DYNC2H1: variants seen among roughly 807,000 people sequenced by gnomAD.
The protein encoded by DYNC2H1 is dynein cytoplasmic 2 heavy chain 1.
DYNC2H1 carries 410 observed loss-of-function variants against 570.0 expected under a neutral mutation model. That is an observed-to-expected ratio of 0.72 (90% CI 0.66 to 0.78). The LOEUF is 0.78. Ranked by LOEUF, DYNC2H1 falls within the 30% of genes least tolerant of loss-of-function variation. The pLI is 0.00. For missense variants in DYNC2H1, 4,865 were observed against 5,046.4 expected, an observed-to-expected ratio of 0.96 and a Z score of 1.09; for synonymous variants, 1,688 against 1,677.6, an observed-to-expected ratio of 1.01 and a Z score of -0.15.
At chr11:103,266,535 C>T (rs774540803) in intron 70 of DYNC2H1, among the ~76,000 whole-genome samples, 3 of 152,118 alleles carry the variant, frequency 2.0e-5, no homozygotes, top group Non-Finnish European at 2.9e-5. Flanking sequence ...CTCTGCCTGC[C>T]AAGGCTCTTT....
At chr11:103,138,375 A>G (rs1297705049) in intron 17 of DYNC2H1, among the ~76,000 whole-genome samples, 1 of 152,146 alleles carries the variant, frequency 6.6e-6, no homozygotes, top group African/African-American at 2.4e-5. Flanking sequence ...TGTCATAGAT[A>G]GCTCTTATTA....
At position 103,253,340 on chromosome 11, in the gene DYNC2H1, C is replaced by T. The variant is rs1355066356; in HGVS notation, c.10098C>T (p.Phe3366=). The stretch of plus-strand genomic sequence containing the variant: ...AAATTATTGACTACAATGAAGAATT[C>T]CGCCTCTTTTTGTCAACAAGAAACC... ...GDKIIDYNEE[F]RLFLSTRNPN... is the part of the protein sequence containing the mutation. The change falls in exon 66 of 89, where the codon TTC becomes TTT. Residue 3366 remains phenylalanine, a synonymous_variant. Coordinates refer to ENST00000375735, the MANE Select transcript of DYNC2H1 (RefSeq NM_001377.3). The T allele has an allele frequency of 6.2e-7, 1 of 1,613,008 alleles. No homozygotes were observed. Among genetic ancestry groups the T allele is most frequent in the Non-Finnish European group, 8.5e-7 (1 of 1,179,432 alleles).
At chr11:103,142,673 A>G (rs1028534797) in intron 17 of DYNC2H1, among the ~76,000 whole-genome samples, 1 of 152,156 alleles carries the variant, frequency 6.6e-6, no homozygotes, top group African/African-American at 2.4e-5. Context: ...CATGTCAAGA[A>G]AAAAAGAAAA....
intron 75 of DYNC2H1, among the ~76,000 whole-genome samples, chr11:103,290,615 C>T (rs1003007264): frequency 7.9e-5 from 12 of 152,170 alleles, no homozygotes; most frequent in Non-Finnish European, 1.3e-4. Flanking sequence ...CATCATGACT[C>T]AGACAATATC....
intron 84 of DYNC2H1, chr11:103,406,191 T>A (rs1430837102): frequency 1.3e-5 from 2 of 152,038 alleles, no homozygotes; most frequent in Non-Finnish European, 2.9e-5. Context: ...TGAAGGCTCT[T>A]GGTCTTATTT....
chr11:103,304,685 C>T lies in DYNC2H1; in HGVS notation c.11347C>T (p.His3783Tyr). 2 of 1,613,064 alleles carry T rather than the reference C, an allele frequency of 1.2e-6. No homozygotes were observed. The highest frequency in any genetic ancestry group is 1.7e-6 in the Non-Finnish European group (2 of 1,179,346). Reference sequence around the variant, plus strand: ...AGACTGGCTCTGTTTGAAGAACTTACATCTTGTGGTATCTTGGCTGCCAGT... The same window carrying T: ...AGACTGGCTCTGTTTGAAGAACTTATATCTTGTGGTATCTTGGCTGCCAGT... The part of the protein sequence containing the change: ...NGDWLCLKNL[H>Y]LVVSWLPVLE... Residue 3783 changes from histidine to tyrosine, a missense_variant, in exon 77 of 89, where the codon CAT becomes TAT. Coordinates refer to ENST00000375735, the MANE Select transcript of DYNC2H1 (RefSeq NM_001377.3).
intron 82 of DYNC2H1, among the ~76,000 whole-genome samples, chr11:103,340,415 T>G (rs1486704039): frequency 1.3e-4 from 1 of 7,540 alleles, no homozygotes; most frequent in African/African-American, 1.4e-4. Flanking sequence ...AAAATCAATA[T>G]TTTAGTTACG....
rs116381215 is a variant in DYNC2H1, at chr11:103,470,165, G to A, written c.12765+1460G>A. 2.3e-3 allele frequency among the ~76,000 whole-genome samples: 356 copies of A among 152,304 alleles called. 2 individuals carry two copies. The highest frequency in any genetic ancestry group is 8.1e-3 in the African/African-American group (337 of 41,586). On this transcript the variant is annotated intron_variant, in intron 88 of 88. Transcript: ENST00000375735. Reference sequence around the variant, plus strand: ...GAACGCAAATCAGGAATGCAGTGCTGTCATGGACAAAGCCAATCTGTTACT... The same window carrying A: ...GAACGCAAATCAGGAATGCAGTGCTATCATGGACAAAGCCAATCTGTTACT...
In DYNC2H1 at chr11:103,322,859, C is replaced by T. The variant is rs192286945; in HGVS notation, c.11935-1027C>T. Among the ~76,000 whole-genome samples, 38 of 152,306 alleles carry T rather than the reference C, an allele frequency of 2.5e-4. No individual in the cohort carries two copies. The East Asian group carries it at 5.4e-3, about 22-fold the overall frequency. ...ATGCACACATATATGCAAACATACA[C>T]TCATGTACATGTACATATACATTTA... is the stretch of plus-strand genomic sequence containing the variant. On this transcript the variant is annotated intron_variant, in intron 81 of 88. Transcript: ENST00000375735.
intron 83 of DYNC2H1, among the ~76,000 whole-genome samples, chr11:103,389,481 TTG>T (rs1235044451): frequency 4.6e-5 from 7 of 152,180 alleles, no homozygotes; most frequent in Non-Finnish European, 1.0e-4. Context: ...GAAGGGTTTT[TTG>T]TGTCTCTATT....
intron 59 of DYNC2H1, among the ~76,000 whole-genome samples, chr11:103,226,555 T>C (rs1471948774): frequency 6.6e-6 from 1 of 152,232 alleles, no homozygotes; most frequent in Non-Finnish European, 1.5e-5. Flanking sequence ...ATCCCTGGTA[T>C]GAAACCCAGT....
At chr11:103,140,424 C>T (rs1859840937) in intron 17 of DYNC2H1, among the ~76,000 whole-genome samples, 1 of 152,062 alleles carries the variant, frequency 6.6e-6, no homozygotes, top group Non-Finnish European at 1.5e-5. Flanking sequence ...CAAAATCTCT[C>T]AGCATTTGCT....
rs114041463 is a variant in DYNC2H1 at position 103,472,579 on chromosome 11, A to C, written c.12765+3874A>C. Among the ~76,000 whole-genome samples the C allele has an allele frequency of 0.015, 2,218 of 152,222 alleles. 50 individuals carry two copies. The highest frequency in any genetic ancestry group is 0.051 in the African/African-American group (2,108 of 41,518). ...CTGATGAAAGGACTGAGAATCAGGTAAGTTAAATGACTTATGAGTTCCACA... is the reference window on the plus strand; with the variant it reads ...CTGATGAAAGGACTGAGAATCAGGTCAGTTAAATGACTTATGAGTTCCACA... On this transcript the variant is annotated intron_variant, in intron 88 of 88. Coordinates refer to ENST00000375735, the MANE Select transcript of DYNC2H1 (RefSeq NM_001377.3). This position sits in a 1 kb window ranked among gnomAD's most constrained non-coding sequence, Gnocchi z 4.1.
intron 82 of DYNC2H1, 138 bp from the exon 83 acceptor site, chr11:103,358,102 GATA>G: frequency 2.0e-6 from 1 of 512,658 alleles, no homozygotes; most frequent in Admixed American, 3.5e-5. Context: ...ATTGAAGAGA[GATA>G]ATAAGATTAT....
intron 54 of DYNC2H1, among the ~76,000 whole-genome samples, chr11:103,213,483 T>A (rs1002743917): frequency 2.0e-5 from 3 of 152,170 alleles, no homozygotes; most frequent in Admixed American, 6.5e-5. Flanking sequence ...GGATTTATTT[T>A]AAAATGTTAT....
intron 61 of DYNC2H1, 93 bp downstream of exon 61, chr11:103,234,253 A>T: frequency 7.2e-7 from 1 of 1,390,674 alleles, no homozygotes; most frequent in Non-Finnish European, 9.6e-7. Context: ...AGAAAGATCC[A>T]TTAATTTGCA....
chr11:103,362,740 T>C (rs551481927), intron 83 of DYNC2H1, among the ~76,000 whole-genome samples: 96 of 152,238 alleles, frequency 6.3e-4, no homozygotes, highest in African/African-American at 2.3e-3. Flanking sequence ...TTAAATGATA[T>C]AATAGGTGGC....
chr11:103,159,777 T>G lies in DYNC2H1; in HGVS notation c.4378+750T>G, dbSNP rs147412108. Among the ~76,000 whole-genome samples the G allele has an allele frequency of 6.6e-3, 1,010 of 152,252 alleles. 37 individuals carry two copies. The highest frequency in any genetic ancestry group is 0.057 in the Admixed American group (879 of 15,292). On this transcript the variant is annotated intron_variant, in intron 28 of 88. Coordinates refer to ENST00000375735, the MANE Select transcript of DYNC2H1 (RefSeq NM_001377.3). Reference sequence around the variant, plus strand: ...TTCAAATTAAATTTATGAAGTAAAATAATTTTCATCATTTTAACTAATAAT... The same window carrying G: ...TTCAAATTAAATTTATGAAGTAAAAGAATTTTCATCATTTTAACTAATAAT...
chr11:103,286,095 T>C (rs1417039874), intron 73 of DYNC2H1, among the ~76,000 whole-genome samples, 160 bp from the exon 74 acceptor site: 1 of 152,208 alleles, frequency 6.6e-6, no homozygotes, highest in African/African-American at 2.4e-5. Context: ...GAGTTTACCA[T>C]AGAGTTGCCA....
Sources: gnomAD v4.1 joint callset for allele counts (sites outside exome capture counted in the v4.1 genomes callset) on GRCh38, gnomAD v4.1.1 for gene constraint, Gnocchi (gnomAD v3.1) non-coding constraint, MANE v1.5 for transcripts, NCBI Gene and HGNC (gene_info 2026-07-23, HGNC 2026-07-21) for gene names.